Variants in SEMA6C observed in about 807,000 individuals in gnomAD.
SEMA6C encodes the protein semaphorin 6C, also known as semaphorin-6C.
Under a neutral mutation model 72.9 loss-of-function variants are expected in SEMA6C, and 37 were observed. The observed-to-expected ratio is 0.51, with a 90% CI of 0.39 to 0.67. SEMA6C has a LOEUF of 0.67. Ranked by LOEUF, SEMA6C falls within the 30% of genes least tolerant of loss-of-function variation. The pLI is 0.00. For missense variants in SEMA6C, 1,189 were observed against 1,263.6 expected (o/e 0.94, Z 0.89); for synonymous variants, 578 against 554.1 (o/e 1.04, Z -0.61).
Position 151,133,497 on chromosome 1 carries a change from G to A in SEMA6C, c.1780C>T (p.Pro594Ser). The A allele has an allele frequency of 1.3e-6, 2 of 1,529,014 alleles. No individual in the cohort carries two copies. The highest frequency in any genetic ancestry group is 1.8e-6 in the Non-Finnish European group (2 of 1,141,580). The allele number at this position is 1,529,014 out of a possible 1,614,324, so 94.7% of individuals were successfully genotyped here. A position where few individuals can be genotyped will look rare whatever the true frequency, so the allele number is the denominator to read the frequency against. Residue 594 changes from proline (P) to serine (S), a missense_variant, in exon 19 of 19, where the codon CCA (proline) becomes TCA (serine). Physicochemically the swap from Pro to Ser is moderately conservative, Grantham distance 74 (BLOSUM62 -1). This residue lies in a region of SEMA6C where 721 missense variants were observed against 686.2 expected (regional missense o/e 1.05). Transcript: ENST00000368914. The surrounding 1 kb of genome is among the most constrained non-coding windows in gnomAD (Gnocchi z 5.9). ...SAYGVRRDLP[P>S]ASASRSVPIP... ...GGGACGGAGCGGGAGGCCGAGGCTGGGGGCAGGTCCCGGCGCACGCCTGCC... is the reference window on the plus strand; with the variant it reads ...GGGACGGAGCGGGAGGCCGAGGCTGAGGGCAGGTCCCGGCGCACGCCTGCC...
chr1:151,136,842 C>T lies in SEMA6C; in HGVS notation c.974+15G>A, dbSNP rs1394257208. 1 of 1,609,810 alleles carries T rather than the reference C, an allele frequency of 6.2e-7. No homozygotes were observed. Among genetic ancestry groups the T allele is most frequent in the East Asian group, 2.2e-5 (1 of 44,844 alleles). Reference sequence around the variant, plus strand: ...AGGGGACAGATTGGGTCACACTAGTCAGCCTAGTACCAACCTATTGGTCTG... The same window carrying T: ...AGGGGACAGATTGGGTCACACTAGTTAGCCTAGTACCAACCTATTGGTCTG... On this transcript the variant is annotated intron_variant, in intron 11 of 18. Transcript: ENST00000368914.
chr1:151,142,475 A>G lies in SEMA6C; in HGVS notation c.118+29T>C, dbSNP rs1361412843. On this transcript the variant is annotated intron_variant, in intron 3 of 18. Coordinates refer to ENST00000368914, the MANE Select transcript of SEMA6C (RefSeq NM_030913.6). ...TCTCAGTCTCTAATTGTTCACAGAG[A>G]TGGGGCAAGGTAGGTACTGGGCACT... The G allele has an allele frequency of 1.9e-6, 3 of 1,612,392 alleles. No individual in the cohort carries two copies. In the East Asian group the frequency reaches 6.7e-5, roughly 36 times the overall value.
intron 3 of SEMA6C, among the ~76,000 whole-genome samples, chr1:151,142,227 A>G (rs1682615261): frequency 6.6e-6 from 1 of 151,746 alleles, no homozygotes; most frequent in Non-Finnish European, 1.5e-5. Context: ...TTTAGTAGAG[A>G]TGGGGTTTCA....
Position 151,133,125 on chromosome 1 carries a change from G to A in SEMA6C, c.2152C>T (p.Pro718Ser), listed in dbSNP as rs1681705374. ...TTCCTGTTCTGGTTCCACTCCCAGG[G>A]GTCCCCGGCGGCGCGGAGGTGCTTG... ...PVKHLRAAGD[P>S]WEWNQNRNNA... Residue 718 changes from proline to serine, a missense_variant, in exon 19 of 19, where the codon CCC (proline) becomes TCC (serine). Around this residue, in one of 2 missense-constraint regions of SEMA6C, gnomAD observed 721 missense variants for 686.2 expected, o/e 1.05. Transcript: ENST00000368914. This position sits in a 1 kb window ranked among gnomAD's most constrained non-coding sequence, Gnocchi z 5.9. 1.9e-6 allele frequency: 3 copies of A among 1,563,196 alleles called. No individual in the cohort carries two copies. The highest frequency in any genetic ancestry group is 2.6e-6 in the Non-Finnish European group (3 of 1,166,670).
chr1:151,135,275 G>A lies in SEMA6C; in HGVS notation c.1468C>T (p.Arg490Trp), dbSNP rs745749051. The A allele has an allele frequency of 6.8e-6, 11 of 1,614,066 alleles. No homozygotes were observed. The highest frequency in any genetic ancestry group is 7.6e-6 in the Non-Finnish European group (9 of 1,180,036). Residue 490 changes from arginine to tryptophan, a missense_variant, in exon 15 of 19, where the codon CGG (arginine) becomes TGG (tryptophan). Arg to Trp is a moderately radical substitution (Grantham distance 101). Coordinates refer to ENST00000368914, the MANE Select transcript of SEMA6C (RefSeq NM_030913.6). Reference protein sequence around the residue: ...SGKRTAQTARRIIGLELDTEG... With the variant: ...SGKRTAQTARWIIGLELDTEG... ...GTGTCCAGCTCCAGCCCTATGATCC[G>A]TCGTGCTGTTTGGGCTGTCCGCTTC...
At chr1:151,141,927 G>C (rs1682587245) in intron 3 of SEMA6C, among the ~76,000 whole-genome samples, 1 of 151,866 alleles carries the variant, frequency 6.6e-6, no homozygotes, top group Non-Finnish European at 1.5e-5. Context: ...TCATTTTACA[G>C]CTGAGGAGAC....
chr1:151,139,386 A>G, intron 6 of SEMA6C, 39 bp downstream of exon 6: 1 of 1,549,750 alleles, frequency 6.5e-7, no homozygotes, highest in Non-Finnish European at 8.9e-7. Context: ...GGGCAGAGTA[A>G]TCCTCTCCTT....
At position 151,135,009 on chromosome 1, in the gene SEMA6C, C is replaced by A. The variant is rs940359016; in HGVS notation, c.1581-134G>T. 3 of 1,344,932 alleles carry A rather than the reference C, an allele frequency of 2.2e-6. No homozygotes were observed. The East Asian group carries it at 7.0e-5, about 31-fold the overall frequency. The allele number at this position is 1,344,932 out of a possible 1,614,324, so 83.3% of individuals were successfully genotyped here. The stretch of plus-strand genomic sequence containing the variant: ...TCCTGTCCACCTCAGTCTCTCCACA[C>A]CCTGGTTGCTGCCCACCTTCAGAAT... On this transcript the variant is annotated intron_variant, in intron 15 of 18. Coordinates refer to ENST00000368914, the MANE Select transcript of SEMA6C (RefSeq NM_030913.6).
At chr1:151,138,800 G>T in intron 6 of SEMA6C, 69 bp from the exon 7 acceptor site, 1 of 1,319,206 alleles carries the variant, frequency 7.6e-7, no homozygotes, top group Non-Finnish European at 1.1e-6. Flanking sequence ...TAATAGAAAG[G>T]TGGGCTTACA....
At position 151,134,893 on chromosome 1, in the gene SEMA6C, G is replaced by A. The variant is rs769355451; in HGVS notation, c.1581-18C>T. 1.9e-6 allele frequency: 3 copies of A among 1,607,528 alleles called. No homozygotes were observed. The highest frequency in any genetic ancestry group is 3.3e-5 in the Admixed American group (2 of 60,020). On this transcript the variant is annotated intron_variant, in intron 15 of 18. Transcript: ENST00000368914. Reference sequence around the variant, plus strand: ...AACAGCTCCTAGGGAAAACGGAGGTGTGTGAGGCTGGATCCCTTTCTACTC... The same window carrying A: ...AACAGCTCCTAGGGAAAACGGAGGTATGTGAGGCTGGATCCCTTTCTACTC...
intron 3 of SEMA6C, among the ~76,000 whole-genome samples, chr1:151,140,330 T>C (rs1025888605): frequency 6.6e-6 from 1 of 152,218 alleles, no homozygotes; most frequent in Non-Finnish European, 1.5e-5. Context: ...ATTTTACAGA[T>C]GAGGAGCCTG....
chr1:151,137,960 T>A, intron 9 of SEMA6C, 26 bp downstream of exon 9: 1 of 1,608,842 alleles, frequency 6.2e-7, no homozygotes, highest in Non-Finnish European at 8.5e-7. Context: ...CCAATAACAG[T>A]CTCCTTTCCC....
chr1:151,142,386 C>T, intron 3 of SEMA6C, 118 bp downstream of exon 3: 5 of 1,124,330 alleles, frequency 4.4e-6, no homozygotes, highest in Admixed American at 5.2e-5. Flanking sequence ...CTTCTTTTTG[C>T]TGGTCTGGCT....
Position 151,132,040 on chromosome 1 carries a change from G to T in SEMA6C, c.*444C>A. Reference sequence around the variant, plus strand: ...GACTGCCGCCCTCCCCCGCCCGAGTGAAGTCAGGCAGTGGCTGCAGACACG... The same window carrying T: ...GACTGCCGCCCTCCCCCGCCCGAGTTAAGTCAGGCAGTGGCTGCAGACACG... On this transcript the variant is annotated 3_prime_UTR_variant, in exon 19 of 19. Transcript: ENST00000368914. The T allele has an allele frequency of 2.4e-6, 1 of 412,710 alleles. No homozygotes were observed. The highest frequency in any genetic ancestry group is 4.0e-6 in the Non-Finnish European group (1 of 247,452). The allele number at this position is 412,710 out of a possible 1,614,324, so 25.6% of individuals were successfully genotyped here. A position where few individuals can be genotyped will look rare whatever the true frequency, so the allele number is the denominator to read the frequency against.
Position 151,138,051 on chromosome 1 carries a change from A to C in SEMA6C, c.602T>G (p.Val201Gly), listed in dbSNP as rs1192312001. 6.2e-7 allele frequency: 1 copy of C among 1,614,196 alleles called. No homozygotes were observed. The highest frequency in any genetic ancestry group is 1.1e-5 in the South Asian group (1 of 91,078). The change falls in exon 9 of 19, where the codon GTT (valine) becomes GGT (glycine). Residue 201 changes from valine to glycine, a missense_variant. Physicochemically the swap from Val to Gly is moderately radical, Grantham distance 109. Transcript: ENST00000368914. ...GGGCTGGGGCCCAAGGCTTCTGTAAACTACAGCATCACTGGCCTGGAAATC... is the reference window on the plus strand; with the variant it reads ...GGGCTGGGGCCCAAGGCTTCTGTAACCTACAGCATCACTGGCCTGGAAATC... ...AADFQASDAV[V>G]YRSLGPQPPL...
rs773277153 is a variant in SEMA6C at position 151,135,657 on chromosome 1, G to C, written c.1367C>G (p.Pro456Arg). ...NDGTVLKVLT[P>R]GGRSGGPEPI... Reference sequence around the variant, plus strand: ...CTCAGGTCCCCCGGATCGCCCACCTGGGGTCAGCACCTTCAGCACTGTCCC... The same window carrying C: ...CTCAGGTCCCCCGGATCGCCCACCTCGGGTCAGCACCTTCAGCACTGTCCC... The change falls in exon 14 of 19, where the codon CCA (proline) becomes CGA (arginine). Residue 456 changes from proline to arginine, a missense_variant. Physicochemically the swap from Pro to Arg is moderately radical, Grantham distance 103. This residue lies in a region of SEMA6C where 721 missense variants were observed against 686.2 expected (regional missense o/e 1.05). Coordinates refer to ENST00000368914, the MANE Select transcript of SEMA6C (RefSeq NM_030913.6). 1.2e-6 allele frequency: 2 copies of C among 1,614,132 alleles called. No homozygotes were observed. The highest frequency in any genetic ancestry group is 1.7e-6 in the Non-Finnish European group (2 of 1,180,054).
rs1682209662 is a variant in SEMA6C at position 151,138,039 on chromosome 1, A to G, written c.614T>C (p.Leu205Pro). 1.2e-6 allele frequency: 2 copies of G among 1,614,082 alleles called. No homozygotes were observed. The highest frequency in any genetic ancestry group is 1.3e-5 in the African/African-American group (1 of 74,936). The change falls in exon 9 of 19, where the codon CTT becomes CCT. Residue 205 changes from leucine to proline, a missense_variant. Around this residue, in one of 2 missense-constraint regions of SEMA6C, gnomAD observed 468 missense variants for 577.4 expected, o/e 0.81. Coordinates refer to ENST00000368914, the MANE Select transcript of SEMA6C (RefSeq NM_030913.6). ...GGAGCGGAGTGGGGGCTGGGGCCCAAGGCTTCTGTAAACTACAGCATCACT... is the reference window on the plus strand; with the variant it reads ...GGAGCGGAGTGGGGGCTGGGGCCCAGGGCTTCTGTAAACTACAGCATCACT... ...QASDAVVYRS[L>P]GPQPPLRSAK... is the part of the protein sequence containing the mutation.
At chr1:151,141,478 C>T (rs752673159) in intron 3 of SEMA6C, among the ~76,000 whole-genome samples, 6 of 152,118 alleles carry the variant, frequency 3.9e-5, no homozygotes, top group African/African-American at 7.2e-5. Context: ...GGCGCGATCT[C>T]GGCTCACTGC....
At chr1:151,139,811 C>T (rs1038699403) in intron 4 of SEMA6C, 110 bp from the exon 5 acceptor site, 34 of 1,279,608 alleles carry the variant, frequency 2.7e-5, no homozygotes, top group African/African-American at 5.9e-5. Flanking sequence ...CCCCTTCCCC[C>T]TTCCTCCATG....
Sources: allele counts gnomAD v4.1 joint callset (sites outside exome capture counted in the v4.1 genomes callset), GRCh38; gene constraint gnomAD v4.1.1; regional missense constraint gnomAD v4.1.1; non-coding constraint Gnocchi (gnomAD v3.1); transcripts MANE v1.5; gene names NCBI Gene and HGNC (gene_info 2026-07-23, HGNC 2026-07-21).